CECR2: variants seen among roughly 807,000 people sequenced by gnomAD.
CECR2 encodes the protein CECR2 histone acetyl-lysine reader.
Under a neutral mutation model 154.5 loss-of-function variants are expected in CECR2, and 30 were observed. The observed-to-expected ratio is 0.19, with a 90% CI of 0.15 to 0.26. The LOEUF (loss-of-function observed/expected upper bound fraction) is 0.26, where lower values mean the gene tolerates loss of function less well. CECR2 is among the 10% of genes least tolerant of loss of function. The pLI is 1.00. For missense variants in CECR2, 1,743 were observed against 1,829.3 expected (o/e 0.95, Z 0.86); for synonymous variants, 725 against 683.7 (o/e 1.06, Z -0.94).
Position 17,499,442 on chromosome 22 carries a change from A to G in CECR2, c.438A>G (p.Pro146=), listed in dbSNP as rs536039455. Residue 146 remains proline, a synonymous_variant, in exon 4 of 19, where the codon CCA becomes CCG. Transcript: ENST00000262608. ...GLDADSLRVE[P]LGEDNSGALY... is the part of the protein sequence containing the mutation. ...ATGCAGACAGTCTCCGTGTGGAGCC[A>G]TTGGGTGAAGACAATTCTGGGGCAC... is the stretch of plus-strand genomic sequence containing the variant. 5 of 1,613,788 alleles carry G rather than the reference A, an allele frequency of 3.1e-6. No homozygotes were observed. In the African/African-American group the frequency reaches 4.0e-5, roughly 13 times the overall value.
At chr22:17,489,948 G>A (rs1423472300) in intron 2 of CECR2, among the ~76,000 whole-genome samples, 1 of 149,584 alleles carries the variant, frequency 6.7e-6, no homozygotes, top group African/African-American at 2.5e-5. Flanking sequence ...GGCATTTAAA[G>A]CTATAAATTT....
chr22:17,417,691 T>C (rs916311168), intron 1 of CECR2, among the ~76,000 whole-genome samples: 1 of 152,142 alleles, frequency 6.6e-6, no homozygotes, highest in Admixed American at 6.5e-5. Context: ...TGATCTTGGC[T>C]CACTGCAACC....
chr22:17,482,115 CAAAAAAAAAAAA>C (rs869050391), intron 2 of CECR2, among the ~76,000 whole-genome samples: 33,367 of 76,454 alleles, frequency 0.44, 5,702 homozygotes, highest in Middle Eastern at 0.58. Context: ...ACTCTGTCTC[CAAAAAAAAAAAA>C]AAAAAAAAAA....
At chr22:17,493,411 G>A (rs1037679424) in intron 2 of CECR2, among the ~76,000 whole-genome samples, 7 of 152,164 alleles carry the variant, frequency 4.6e-5, no homozygotes, top group African/African-American at 1.7e-4. Context: ...TAAGTCAAAA[G>A]AATTAGCCTG....
chr22:17,483,280 C>T (rs764387904), intron 2 of CECR2, among the ~76,000 whole-genome samples: 8 of 152,100 alleles, frequency 5.3e-5, no homozygotes, highest in African/African-American at 1.4e-4. Flanking sequence ...TAAAGAAGGC[C>T]GCCACACAGT....
chr22:17,545,399 A>T (rs1260939745), intron 16 of CECR2, among the ~76,000 whole-genome samples: 1 of 150,004 alleles, frequency 6.7e-6, no homozygotes, highest in Non-Finnish European at 1.5e-5. Context: ...AAAAAAAAAG[A>T]AATGCCGTTT....
At chr22:17,481,855 G>A (rs527968983) in intron 2 of CECR2, among the ~76,000 whole-genome samples, 21 of 152,204 alleles carry the variant, frequency 1.4e-4, no homozygotes, top group East Asian at 1.4e-3. Flanking sequence ...GGTGGCTCAC[G>A]CCTGTAATCC....
chr22:17,422,792 C>T (rs967422140), intron 1 of CECR2, among the ~76,000 whole-genome samples: 4 of 151,708 alleles, frequency 2.6e-5, no homozygotes, highest in African/African-American at 7.3e-5. Context: ...TGTCCACTCT[C>T]CTAATGAGCC....
chr22:17,528,963 G>A (rs933807523), intron 9 of CECR2, among the ~76,000 whole-genome samples: 1 of 152,098 alleles, frequency 6.6e-6, no homozygotes, highest in African/African-American at 2.4e-5. Context: ...TGGGCGTGGT[G>A]GCTCCATCTG....
chr22:17,442,368 G>A (rs1272002045), intron 1 of CECR2, among the ~76,000 whole-genome samples: 1 of 152,134 alleles, frequency 6.6e-6, no homozygotes, highest in Non-Finnish European at 1.5e-5. Context: ...GAGTTCTGGA[G>A]CAGCCTGAGC....
At chr22:17,528,044 C>T (rs1354502665) in intron 9 of CECR2, among the ~76,000 whole-genome samples, 1 of 152,176 alleles carries the variant, frequency 6.6e-6, no homozygotes, top group Non-Finnish European at 1.5e-5. Context: ...ATCTATTAAT[C>T]CCACTGCTGG....
rs1017877730 is a variant in CECR2 at position 17,504,910 on chromosome 22, A to G, written c.764A>G (p.Gln255Arg). ...TGCCAGACAGAAGAGGAATGGAGACAGGTCACCGAGAGTTTTCGCGAGAGG... is the reference window on the plus strand; with the variant it reads ...TGCCAGACAGAAGAGGAATGGAGACGGGTCACCGAGAGTTTTCGCGAGAGG... ...LLCQTEEEWR[Q>R]VTESFRERTS... Residue 255 changes from glutamine to arginine, a missense_variant, in exon 7 of 19, where the codon CAG becomes CGG. Physicochemically the swap from Gln to Arg is conservative, Grantham distance 43. Around this residue, in one of 4 missense-constraint regions of CECR2, gnomAD observed 292 missense variants for 301.2 expected, o/e 0.97. Transcript: ENST00000262608. The G allele has an allele frequency of 1.2e-6, 2 of 1,613,774 alleles. No homozygotes were observed. The highest frequency in any genetic ancestry group is 1.7e-5 in the Admixed American group (1 of 59,990).
At chr22:17,457,262 G>A (rs775040927) in intron 1 of CECR2, among the ~76,000 whole-genome samples, 2 of 152,210 alleles carry the variant, frequency 1.3e-5, no homozygotes, top group Non-Finnish European at 2.9e-5. Flanking sequence ...GCTGACCTCA[G>A]GTGATCCACC....
At chr22:17,457,822 A>C (rs2054877382) in intron 1 of CECR2, among the ~76,000 whole-genome samples, 1 of 152,232 alleles carries the variant, frequency 6.6e-6, no homozygotes, top group African/African-American at 2.4e-5. Flanking sequence ...CCTCAGCAAT[A>C]AAAAGAGATG....
intron 1 of CECR2, among the ~76,000 whole-genome samples, chr22:17,403,832 AT>A (rs58089340): frequency 0.35 from 52,521 of 151,914 alleles, 9,380 homozygotes; most frequent in Non-Finnish European, 0.4. Flanking sequence ...TAGAAGTTTT[AT>A]TGTTTTAGAT....
chr22:17,374,466 AC>A (rs2063095278), intron 1 of CECR2, among the ~76,000 whole-genome samples: 1 of 152,100 alleles, frequency 6.6e-6, no homozygotes, highest in African/African-American at 2.4e-5. Context: ...AGGGTAGGAG[AC>A]TTTGTTTTGG....
At chr22:17,492,014 G>A (rs1451068049) in intron 2 of CECR2, among the ~76,000 whole-genome samples, 2 of 152,078 alleles carry the variant, frequency 1.3e-5, no homozygotes, top group Admixed American at 6.6e-5. Context: ...ATTTTGGCCT[G>A]GTCTTTTTAT....
chr22:17,374,495 T>C (rs907689955), intron 1 of CECR2, among the ~76,000 whole-genome samples: 1 of 152,172 alleles, frequency 6.6e-6, no homozygotes, highest in African/African-American at 2.4e-5. Context: ...GTGTGCACTT[T>C]GCTGGAGGAG....
intron 17 of CECR2, 88 bp from the exon 18 acceptor site, chr22:17,551,943 G>A: frequency 8.1e-7 from 1 of 1,228,060 alleles, no homozygotes; most frequent in Non-Finnish European, 1.2e-6. Context: ...GGTGATGAAG[G>A]CAGTACCCTC....
Sources: allele counts gnomAD v4.1 joint callset (sites outside exome capture counted in the v4.1 genomes callset), GRCh38; gene constraint gnomAD v4.1.1; regional missense constraint gnomAD v4.1.1; transcripts MANE v1.5; gene names NCBI Gene and HGNC (gene_info 2026-07-23, HGNC 2026-07-21).